CTNS: variants seen among roughly 807,000 people sequenced by gnomAD.
CTNS encodes cystinosin, lysosomal cystine transporter.
A neutral mutation model predicts 43.7 loss-of-function variants in CTNS; 27 were observed. The observed-to-expected ratio is 0.62, with a 90% CI of 0.46 to 0.85. The LOEUF is 0.85. Among genes scored for constraint, CTNS ranks in the 40% least tolerant of loss-of-function variants. The probability of loss-of-function intolerance (pLI) is 0.00; values close to 1 mark genes in which losing one functional copy is unlikely to be tolerated. For missense variants in CTNS, 457 were observed against 475.4 expected, an observed-to-expected ratio of 0.96 and a Z score of 0.36; for synonymous variants, 187 against 190.6, an observed-to-expected ratio of 0.98 and a Z score of 0.16.
chr17:3,641,422 C>T (rs1309677961), intron 3 of CTNS, among the ~76,000 whole-genome samples: 6 of 91,470 alleles, frequency 6.6e-5, no homozygotes, highest in Non-Finnish European at 1.2e-4. Context: ...GACAGAGTCT[C>T]ACTCTGTCGC....
chr17:3,645,457 GC>G (rs1295439454), intron 3 of CTNS, among the ~76,000 whole-genome samples: 1 of 152,180 alleles, frequency 6.6e-6, no homozygotes, highest in Non-Finnish European at 1.5e-5. Flanking sequence ...GCCTGGCAGG[GC>G]AAGCTTCAGG....
At chr17:3,643,099 G>C (rs2075758583) in intron 3 of CTNS, among the ~76,000 whole-genome samples, 1 of 152,106 alleles carries the variant, frequency 6.6e-6, no homozygotes, top group Non-Finnish European at 1.5e-5. Context: ...TGGATCACAA[G>C]GTCAGGAGAT....
Position 3,648,936 on chromosome 17 carries a change from G to C in CTNS, c.225+5G>C, listed in dbSNP as rs1463544406. ...ATCCTTGAGCTCCCCGATGAAGTAA[G>C]TAACCAATCTTAACGGATGGGTAGG... On this transcript the variant is annotated splice_donor_5th_base_variant and intron_variant, in intron 5 of 11. Coordinates refer to ENST00000046640, the MANE Select transcript of CTNS (RefSeq NM_004937.3). The C allele has an allele frequency of 2.5e-6, 4 of 1,602,590 alleles. No homozygotes were observed. In the African/African-American group the frequency reaches 5.4e-5, roughly 21 times the overall value.
At chr17:3,658,426 G>C (rs988939579) in intron 10 of CTNS, among the ~76,000 whole-genome samples, 4 of 152,320 alleles carry the variant, frequency 2.6e-5, no homozygotes, top group South Asian at 2.1e-4. Flanking sequence ...TCAGGTGTGC[G>C]GGTGGTTCCC....
intron 2 of CTNS, among the ~76,000 whole-genome samples, chr17:3,638,132 G>A (rs2075583843): frequency 1.3e-5 from 2 of 152,276 alleles, no homozygotes; most frequent in South Asian, 2.1e-4. Flanking sequence ...ACTTACATAG[G>A]AAGGGCACGC....
intron 5 of CTNS, among the ~76,000 whole-genome samples, chr17:3,653,573 G>A (rs1359903412): frequency 6.6e-6 from 1 of 151,786 alleles, no homozygotes; most frequent in East Asian, 2.0e-4. Context: ...CACTGCAGCA[G>A]GATTTAAGAG....
At chr17:3,657,645 A>T in intron 9 of CTNS, 1 of 357,240 alleles carries the variant, frequency 2.8e-6, no homozygotes, top group South Asian at 2.9e-5. Context: ...GAGAGGCACC[A>T]GGCCACCAGA....
intron 2 of CTNS, among the ~76,000 whole-genome samples, chr17:3,638,611 C>T (rs574911070): frequency 4.6e-5 from 7 of 152,298 alleles, no homozygotes; most frequent in Admixed American, 4.6e-4. Flanking sequence ...ATCGTTCCTC[C>T]AGGGGTCTCA....
rs759921102 is a variant in CTNS at position 3,647,464 on chromosome 17, G to C, written c.82G>C (p.Val28Leu). Reference sequence around the variant, plus strand: ...TCCAGAGTCAAGCGTCAGCCTCACTGTTCCTCCTGTCGTAAAGCTGGAGAA... The same window carrying C: ...TCCAGAGTCAAGCGTCAGCCTCACTCTTCCTCCTGTCGTAAAGCTGGAGAA... ...EKCESSVSLT[V>L]PPVVKLENGS... is the part of the protein sequence containing the mutation. The change falls in exon 4 of 12, where the codon GTT becomes CTT. Residue 28 changes from valine to leucine, a missense_variant. Coordinates refer to ENST00000046640, the MANE Select transcript of CTNS (RefSeq NM_004937.3). 1.3e-5 allele frequency: 21 copies of C among 1,614,142 alleles called. No individual in the cohort carries two copies. The highest frequency in any genetic ancestry group is 1.8e-5 in the Non-Finnish European group (21 of 1,179,992).
intron 3 of CTNS, among the ~76,000 whole-genome samples, chr17:3,646,328 TTGC>T (rs1894497411): frequency 6.7e-6 from 1 of 149,976 alleles, no homozygotes; most frequent in Non-Finnish European, 1.5e-5. Context: ...TCTCGCTCTG[TTGC>T]CCAGGCTGGA....
rs1385430956 is a variant in CTNS at position 3,654,287 on chromosome 17, T to C, written c.226-711T>C. 2.6e-5 allele frequency among the ~76,000 whole-genome samples: 4 copies of C among 152,118 alleles called. No homozygotes were observed. In the East Asian group the frequency reaches 7.7e-4, roughly 29 times the overall value. On this transcript the variant is annotated intron_variant, in intron 5 of 11. Transcript: ENST00000046640. ...CAGAGCTTGAATAACTTGCCCAAGG[T>C]GACATGTCCAGTAAGAGGACGAGAG...
rs1183619166 is a variant in CTNS, at chr17:3,661,470, C to G, written c.*1101C>G. On this transcript the variant is annotated 3_prime_UTR_variant, in exon 12 of 12. Transcript: ENST00000046640. ...TACATGACTTGAGCTTGTCAGTCCA[C>G]TGAGTTTCCTTCTACGAGATCAACG... is the stretch of plus-strand genomic sequence containing the variant. The G allele has an allele frequency of 1.3e-5, 2 of 152,492 alleles. No homozygotes were observed. Among genetic ancestry groups the G allele is most frequent in the African/African-American group, 4.8e-5 (2 of 41,396 alleles). 9.4% of individuals were successfully genotyped at this position (152,492 alleles called of 1,614,324 possible). A position where few individuals can be genotyped will look rare whatever the true frequency, so the allele number is the denominator to read the frequency against.
Position 3,647,493 on chromosome 17 carries a change from C to T in CTNS, c.111C>T (p.Gly37=). 1 of 1,614,186 alleles carries T rather than the reference C, an allele frequency of 6.2e-7. No homozygotes were observed. The highest frequency in any genetic ancestry group is 1.1e-5 in the South Asian group (1 of 91,088). Residue 37 remains glycine (G), a synonymous_variant, in exon 4 of 12, where the codon GGC becomes GGT. Coordinates refer to ENST00000046640, the MANE Select transcript of CTNS (RefSeq NM_004937.3). ...TVPPVVKLEN[G]SSTNVSLTLR... The stretch of plus-strand genomic sequence containing the variant: ...CTCCTGTCGTAAAGCTGGAGAACGG[C>T]AGCTCGACCAACGTCAGCCTCACCC...
chr17:3,646,034 G>A (rs916849564), intron 3 of CTNS, among the ~76,000 whole-genome samples: 2 of 152,212 alleles, frequency 1.3e-5, no homozygotes, highest in East Asian at 1.9e-4. Context: ...AGCCTCTGCC[G>A]TTGCAAAGAC....
At chr17:3,656,456 C>T (rs1221080715) in intron 7 of CTNS, 31 bp from the exon 8 acceptor site, 7 of 1,455,204 alleles carry the variant, frequency 4.8e-6, no homozygotes, top group Non-Finnish European at 6.4e-6. Flanking sequence ...TCTTCACCCC[C>T]TGCCCTGTCT....
At chr17:3,650,011 G>A (rs1287379081) in intron 5 of CTNS, among the ~76,000 whole-genome samples, 3 of 152,062 alleles carry the variant, frequency 2.0e-5, no homozygotes, top group African/African-American at 7.2e-5. Flanking sequence ...TATAGTCCTA[G>A]CTACTCACGT....
intron 5 of CTNS, 80 bp from the exon 6 acceptor site, chr17:3,654,918 C>T (rs72835815): frequency 1.1e-5 from 11 of 983,652 alleles, no homozygotes; most frequent in African/African-American, 1.6e-5. Flanking sequence ...CGTTCCCTAG[C>T]GTGTTGCATA....
chr17:3,640,428 G>A (rs971499213), intron 3 of CTNS, among the ~76,000 whole-genome samples, 161 bp downstream of exon 3: 4 of 152,260 alleles, frequency 2.6e-5, no homozygotes, highest in African/African-American at 9.6e-5. Context: ...AGCAGACCCA[G>A]GTCTGGGATC....
At chr17:3,656,612 C>G in intron 8 of CTNS, 26 bp downstream of exon 8, 1 of 1,612,648 alleles carries the variant, frequency 6.2e-7, no homozygotes, top group Non-Finnish European at 8.5e-7. Flanking sequence ...CCCTACATCT[C>G]TGCCCACATG....
Sources: allele counts gnomAD v4.1 joint callset (sites outside exome capture counted in the v4.1 genomes callset), GRCh38; gene constraint gnomAD v4.1.1; transcripts MANE v1.5; gene names NCBI Gene and HGNC (gene_info 2026-07-23, HGNC 2026-07-21).